Variants in EDARADD observed in about 807,000 individuals in gnomAD.
EDARADD encodes ectodysplasin-A receptor-associated adapter protein.
Under a neutral mutation model 25.6 loss-of-function variants are expected in EDARADD, and 20 were observed. That is an observed-to-expected ratio of 0.78 (90% CI 0.55 to 1.14). The LOEUF is 1.14. Among genes scored for constraint, EDARADD ranks in the 50% most tolerant of loss-of-function variants. The pLI, the probability that EDARADD is intolerant of heterozygous loss-of-function variation, is 0.00. For synonymous variants in EDARADD, 86 were observed against 94.4 expected (o/e 0.91, Z 0.52); for missense variants, 225 against 270.1 (o/e 0.83, Z 1.17).
intron 5 of EDARADD, among the ~76,000 whole-genome samples, chr1:236,476,739 G>T (rs995174435): frequency 3.9e-5 from 6 of 152,198 alleles, no homozygotes; most frequent in Admixed American, 6.5e-5. Context: ...TGGTCAGGCT[G>T]GTCTTGAACT....
rs941555123 is a variant in EDARADD, at chr1:236,395,160, C to T, written c.61+655C>T. Among the ~76,000 whole-genome samples the T allele has an allele frequency of 3.9e-5, 6 of 152,210 alleles. No homozygotes were observed. Among genetic ancestry groups the T allele is most frequent in the Non-Finnish European group, 8.8e-5 (6 of 68,028 alleles). ...GGGCGTGAGTAGGGAGCCAGGAAAGCGACCCGCGACTGCAGCCGTTTCTTA... is the reference window on the plus strand; with the variant it reads ...GGGCGTGAGTAGGGAGCCAGGAAAGTGACCCGCGACTGCAGCCGTTTCTTA... On this transcript the variant is annotated intron_variant, in intron 1 of 5. Coordinates refer to ENST00000334232, the MANE Select transcript of EDARADD (RefSeq NM_145861.4). The surrounding 1 kb of genome is among the most constrained non-coding windows in gnomAD (Gnocchi z 6.9).
Position 236,395,779 on chromosome 1 carries a change from G to A in EDARADD, c.61+1274G>A. 9.2e-7 allele frequency: 1 copy of A among 1,089,842 alleles called. No homozygotes were observed. Among genetic ancestry groups the A allele is most frequent in the South Asian group, 1.6e-5 (1 of 60,982 alleles). 67.5% of individuals were successfully genotyped at this position (1,089,842 alleles called of 1,614,324 possible). ...CGGGCCTCGGCGACCCCCGAGGGAG[G>A]CCCGGGAACCACCCCCGACCCAGGC... On this transcript the variant is annotated intron_variant, in intron 1 of 5. Transcript: ENST00000334232. This position sits in a 1 kb window ranked among gnomAD's most constrained non-coding sequence, Gnocchi z 6.9.
chr1:236,413,026 G>A (rs1469789227), intron 2 of EDARADD, among the ~76,000 whole-genome samples: 1 of 152,202 alleles, frequency 6.6e-6, no homozygotes, highest in Admixed American at 6.5e-5. Flanking sequence ...ACCATGCCCA[G>A]CTAATTTTTG....
At chr1:236,391,540 C>T (rs574906722), upstream of EDARADD, among the ~76,000 whole-genome samples, 8 of 152,292 alleles carry the variant, frequency 5.3e-5, no homozygotes, top group African/African-American at 1.4e-4. Context: ...ATTTTACCAT[C>T]GTGGTTCTAG....
At chr1:236,379,632 A>G (rs1040103329) in intron 3 of EDARADD, among the ~76,000 whole-genome samples, 14 of 151,502 alleles carry the variant, frequency 9.2e-5, no homozygotes, top group African/African-American at 3.4e-4. Flanking sequence ...TACAAAAATT[A>G]CCCAGATGTG....
At chr1:236,419,675 C>T (rs1047523639) in intron 3 of EDARADD, among the ~76,000 whole-genome samples, 16 of 152,012 alleles carry the variant, frequency 1.1e-4, no homozygotes, top group African/African-American at 3.9e-4. Flanking sequence ...GAGCTGAGAG[C>T]GAGGCAAGCC....
chr1:236,469,233 G>T (rs1380057924), intron 5 of EDARADD, among the ~76,000 whole-genome samples: 1 of 152,094 alleles, frequency 6.6e-6, no homozygotes, highest in Non-Finnish European at 1.5e-5. Flanking sequence ...CAGGACTTTG[G>T]GAGGCCAAGG....
chr1:236,484,287 G>A lies in EDARADD; in HGVS notation c.*1638G>A. On this transcript the variant is annotated 3_prime_UTR_variant, in exon 6 of 6. Coordinates refer to ENST00000334232, the MANE Select transcript of EDARADD (RefSeq NM_145861.4). The surrounding 1 kb of genome is among the most constrained non-coding windows in gnomAD (Gnocchi z 4.1). ...TGTCATGGTGCCTCATCATTCTGGG[G>A]AGACTGAAAATACCTTCATCACTGA... 1.9e-6 allele frequency: 2 copies of A among 1,035,362 alleles called. No homozygotes were observed. Among genetic ancestry groups the A allele is most frequent in the South Asian group, 2.5e-5 (2 of 79,454 alleles). 64.1% of individuals were successfully genotyped at this position (1,035,362 alleles called of 1,614,324 possible).
chr1:236,350,157 C>G (rs1479261123), intron 2 of EDARADD, among the ~76,000 whole-genome samples: 1 of 152,072 alleles, frequency 6.6e-6, no homozygotes, highest in Non-Finnish European at 1.5e-5. Context: ...AGAGGATTCT[C>G]TGTAGATGTG....
intron 3 of EDARADD, among the ~76,000 whole-genome samples, chr1:236,353,997 G>A (rs1405588064): frequency 3.3e-5 from 5 of 152,074 alleles, no homozygotes; most frequent in Non-Finnish European, 7.4e-5. Flanking sequence ...TTCTCTTGTA[G>A]CTGGAGACAT....
chr1:236,434,505 G>A (rs1171434837), intron 4 of EDARADD, among the ~76,000 whole-genome samples: 1 of 152,182 alleles, frequency 6.6e-6, no homozygotes, highest in East Asian at 1.9e-4. Flanking sequence ...CTCCCAAAGT[G>A]TTAGGATTAT....
In EDARADD at chr1:236,374,260, CCCTCCCTT is replaced by C. The variant is rs199871905; in HGVS notation, c.-6+23441_-6+23448del. Among the ~76,000 whole-genome samples the C allele has an allele frequency of 5.6e-3, 787 of 141,742 alleles. 4 individuals are homozygous for C. Among genetic ancestry groups the C allele is most frequent in the African/African-American group, 0.019 (741 of 38,858 alleles). The allele number at this position is 141,742 out of a possible 152,430, so 93.0% of individuals were successfully genotyped here. A position where few individuals can be genotyped will look rare whatever the true frequency, so the allele number is the denominator to read the frequency against. On this transcript the variant is annotated intron_variant, in intron 3 of 7. Coordinates refer to the EDARADD transcript ENST00000439430. ...TGCTAGGTCTGTTCCCTCCCTCCCT[CCCTCCCTT>C]CCTCCCTTCCTCCCTTCCTTCCTTC... is the stretch of plus-strand genomic sequence containing the variant.
chr1:236,458,162 A>G (rs1185235353), intron 4 of EDARADD, among the ~76,000 whole-genome samples: 1 of 152,244 alleles, frequency 6.6e-6, no homozygotes, highest in Non-Finnish European at 1.5e-5. Context: ...ACTCCTGTCT[A>G]GCAATCTCAC....
chr1:236,363,003 A>AT (rs1445557304), intron 3 of EDARADD, among the ~76,000 whole-genome samples: 23 of 92,204 alleles, frequency 2.5e-4, no homozygotes, highest in South Asian at 4.2e-4. Flanking sequence ...AAAAAAAAAA[A>AT]AAAATATATA....
chr1:236,390,351 C>G (rs960350843), upstream of EDARADD, among the ~76,000 whole-genome samples: 10 of 152,198 alleles, frequency 6.6e-5, no homozygotes, highest in African/African-American at 2.2e-4. Flanking sequence ...GTCAGGAGAT[C>G]AAGACCATCC....
At chr1:236,399,750 G>A (rs1667582997) in intron 1 of EDARADD, among the ~76,000 whole-genome samples, 1 of 152,268 alleles carries the variant, frequency 6.6e-6, no homozygotes, top group East Asian at 1.9e-4. Flanking sequence ...CTGGGTCAAA[G>A]GTGGCACAAT....
At chr1:236,449,962 G>A (rs564187421) in intron 4 of EDARADD, among the ~76,000 whole-genome samples, 6 of 152,276 alleles carry the variant, frequency 3.9e-5, no homozygotes, top group East Asian at 1.9e-4. Flanking sequence ...TTAGCCGGGT[G>A]TAGTGGTGTG....
chr1:236,374,260 C>T (rs1342935098), intron 3 of EDARADD, among the ~76,000 whole-genome samples: 20 of 141,760 alleles, frequency 1.4e-4, no homozygotes, highest in African/African-American at 4.4e-4. Context: ...CTCCCTCCCT[C>T]CCTCCCTTCC....
intron 3 of EDARADD, among the ~76,000 whole-genome samples, chr1:236,366,974 C>T (rs1173947509): frequency 4.0e-5 from 6 of 151,116 alleles, no homozygotes; most frequent in Non-Finnish European, 5.9e-5. Flanking sequence ...CTACTCAGGA[C>T]GCTGATGCAG....
Sources: allele counts gnomAD v4.1 joint callset (sites outside exome capture counted in the v4.1 genomes callset), GRCh38; gene constraint gnomAD v4.1.1; non-coding constraint Gnocchi (gnomAD v3.1); transcripts MANE v1.5; gene names NCBI Gene and HGNC (gene_info 2026-07-23, HGNC 2026-07-21).